The following IL21R variants were observed in gnomAD, a reference collection of about 807,000 sequenced individuals.
IL21R encodes the protein interleukin-21 receptor.
A neutral mutation model predicts 41.3 loss-of-function variants in IL21R; 14 were observed. The observed-to-expected ratio is 0.34, with a 90% CI of 0.22 to 0.53. IL21R has a LOEUF of 0.53. IL21R is among the 20% of genes least tolerant of loss of function. The probability of loss-of-function intolerance (pLI) is 0.94; values close to 1 mark genes in which losing one functional copy is unlikely to be tolerated. For synonymous variants in IL21R, 286 were observed against 287.6 expected, an observed-to-expected ratio of 0.99 and a Z score of 0.05; for missense variants, 588 against 681.6, an observed-to-expected ratio of 0.86 and a Z score of 1.53.
chr16:27,404,927 C>T (rs577966026), intron 1 of IL21R, among the ~76,000 whole-genome samples: 1 of 152,256 alleles, frequency 6.6e-6, no homozygotes, highest in African/African-American at 2.4e-5. Context: ...CTCCCTAGGT[C>T]CTGAAGCTCT....
Position 27,450,582 on chromosome 16 carries a change from C to CTTTTTTTT in IL21R, c.*1306_*1313dup, listed in dbSNP as rs553596346. 5 of 181,510 alleles carry CTTTTTTTT rather than the reference C, an allele frequency of 2.8e-5. No individual in the cohort carries two copies. The highest frequency in any genetic ancestry group is 6.4e-5 in the Admixed American group (1 of 15,546). 11.2% of individuals were successfully genotyped at this position (181,510 alleles called of 1,614,324 possible). A position where few individuals can be genotyped will look rare whatever the true frequency, so the allele number is the denominator to read the frequency against. On this transcript the variant is annotated 3_prime_UTR_variant, in exon 9 of 9. Transcript: ENST00000337929. Reference sequence around the variant, plus strand: ...TATTTCTTAGCAACATTTTCTTTTTCTTTTTTTTTTTTTTCTTTTGAGACA... The same window carrying CTTTTTTTT: ...TATTTCTTAGCAACATTTTCTTTTTCTTTTTTTTTTTTTTTTTTTTTTCTTTTGAGACA...
Position 27,449,254 on chromosome 16 carries a change from C to A in IL21R, c.1588C>A (p.Leu530Ile). Residue 530 changes from leucine (L) to isoleucine (I), a missense_variant, in exon 9 of 9, where the codon CTT (leucine) becomes ATT (isoleucine). By Grantham distance (5) the Leu-to-Ile change is conservative. Coordinates refer to ENST00000337929, the MANE Select transcript of IL21R (RefSeq NM_181078.3). ...CCAGTGGGTGGTCATTCCTCCGCCA[C>A]TTTCGAGCCCTGGACCCCAGGCCAG... ...LRQWVVIPPP[L>I]SSPGPQAS The A allele has an allele frequency of 6.2e-7, 1 of 1,607,848 alleles. No homozygotes were observed. Among genetic ancestry groups the A allele is most frequent in the Non-Finnish European group, 8.5e-7 (1 of 1,177,370 alleles).
chr16:27,440,248 T>TATATATATAGAGAGAGAGAGAGAG (rs1352160946), intron 4 of IL21R, among the ~76,000 whole-genome samples: 1 of 64,042 alleles, frequency 1.6e-5, no homozygotes, highest in African/African-American at 8.8e-5. Context: ...TATATATATA[T>TATATATATAGAGAGAGAGAGAGAG]AGAGAGAGAG....
At chr16:27,406,295 G>A (rs2086745900) in intron 1 of IL21R, among the ~76,000 whole-genome samples, 1 of 152,244 alleles carries the variant, frequency 6.6e-6, no homozygotes, top group Non-Finnish European at 1.5e-5. Context: ...AATGGAGCTG[G>A]AGTGAGATCT....
chr16:27,439,253 C>A (rs1204827982), intron 4 of IL21R, among the ~76,000 whole-genome samples: 1 of 151,962 alleles, frequency 6.6e-6, no homozygotes, highest in East Asian at 1.9e-4. Flanking sequence ...GATGCGCCCT[C>A]AAACTCACAG....
At position 27,430,119 on chromosome 16, in the gene IL21R, AG is replaced by A; in HGVS notation, c.49+1del. On this transcript the variant is annotated frameshift_variant and splice_region_variant, in exon 2 of 9. Transcript: ENST00000337929. LOFTEE classifies it high-confidence loss of function. ...APLLLLLLQG[G>X]WGCPDLVCYT... The stretch of plus-strand genomic sequence containing the variant: ...CCTTGCTCCTGCTGCTGCTCCAGGG[AG>A]GTAAGTGGCTGCCCCGTGGTCTGCG... 1 of 1,603,596 alleles carries A rather than the reference AG, an allele frequency of 6.2e-7. No homozygotes were observed. Among genetic ancestry groups the A allele is most frequent in the Non-Finnish European group, 8.5e-7 (1 of 1,179,696 alleles).
chr16:27,412,113 A>G (rs1283040479), intron 1 of IL21R, among the ~76,000 whole-genome samples: 1 of 152,218 alleles, frequency 6.6e-6, no homozygotes, highest in Non-Finnish European at 1.5e-5. Context: ...TAATGTTTGC[A>G]TATGGAGTAA....
intron 1 of IL21R, among the ~76,000 whole-genome samples, chr16:27,417,538 C>T (rs1478310878): frequency 6.6e-6 from 1 of 152,078 alleles, no homozygotes; most frequent in African/African-American, 2.4e-5. Context: ...TGCTTAATGA[C>T]GAGGATACAT....
At chr16:27,412,252 A>G (rs2086833443) in intron 1 of IL21R, among the ~76,000 whole-genome samples, 3 of 152,220 alleles carry the variant, frequency 2.0e-5, no homozygotes, top group Non-Finnish European at 2.9e-5. Flanking sequence ...TATATACACA[A>G]GGGTTTATTT....
At chr16:27,430,659 A>T (rs181343998) in intron 2 of IL21R, among the ~76,000 whole-genome samples, 36 of 152,110 alleles carry the variant, frequency 2.4e-4, no homozygotes, top group African/African-American at 8.4e-4. Context: ...CTACAAAAGA[A>T]AAAAAATTAG....
rs763835537 is a variant in IL21R at position 27,445,211 on chromosome 16, T to G, written c.720T>G (p.Leu240=). Residue 240 remains leucine, a synonymous_variant, in exon 7 of 9, where the codon CTT becomes CTG. Coordinates refer to ENST00000337929, the MANE Select transcript of IL21R (RefSeq NM_181078.3). The part of the protein sequence containing the change: ...LKEGWNPHLL[L]LLLLVIVFIP... ...AAGGCTGGAACCCTCACCTGCTGCT[T>G]CTCCTCCTGCTTGTCATAGTCTTCA... 1.9e-6 allele frequency: 3 copies of G among 1,613,946 alleles called. No individual in the cohort carries two copies. The highest frequency in any genetic ancestry group is 2.5e-6 in the Non-Finnish European group (3 of 1,179,976).
chr16:27,411,781 T>C (rs1315716943), intron 1 of IL21R, among the ~76,000 whole-genome samples: 1 of 152,084 alleles, frequency 6.6e-6, no homozygotes, highest in African/African-American at 2.4e-5. Flanking sequence ...AATTGAGTTA[T>C]TTGTTTTTGT....
In IL21R at chr16:27,444,294, T is replaced by C. The variant is rs534058507; in HGVS notation, c.508-248T>C. On this transcript the variant is annotated intron_variant, in intron 5 of 8. Coordinates refer to ENST00000337929, the MANE Select transcript of IL21R (RefSeq NM_181078.3). The stretch of plus-strand genomic sequence containing the variant: ...CAGGGAGAGTCCACTGCCAGGACTG[T>C]GAGTGGCTGAATTGGATCAAAGAGA... Among the ~76,000 whole-genome samples the C allele has an allele frequency of 1.2e-4, 18 of 152,106 alleles. 1 individual carries two copies. In the East Asian group the frequency reaches 2.5e-3, roughly 22 times the overall value.
chr16:27,449,194 C>T lies in IL21R; in HGVS notation c.1528C>T (p.Pro510Ser). The change falls in exon 9 of 9, where the codon CCC becomes TCC. Residue 510 changes from proline (P) to serine (S), a missense_variant. Physicochemically the swap from Pro to Ser is moderately conservative, Grantham distance 74. Coordinates refer to ENST00000337929, the MANE Select transcript of IL21R (RefSeq NM_181078.3). ...SSPVECDFTS[P>S]GDEGPPRSYL... ...CCCTGTGGAGTGTGACTTCACCAGC[C>T]CCGGGGACGAAGGACCCCCCCGGAG... 1 of 1,612,996 alleles carries T rather than the reference C, an allele frequency of 6.2e-7. No individual in the cohort carries two copies. The highest frequency in any genetic ancestry group is 8.5e-7 in the Non-Finnish European group (1 of 1,179,986).
chr16:27,442,130 ATG>A (rs1444139507), intron 4 of IL21R, among the ~76,000 whole-genome samples: 1 of 152,062 alleles, frequency 6.6e-6, no homozygotes, highest in Non-Finnish European at 1.5e-5. Context: ...TTCAGATTTC[ATG>A]TGTGTGCGTG....
chr16:27,436,500 G>C (rs1202369852), intron 3 of IL21R, among the ~76,000 whole-genome samples: 1 of 152,206 alleles, frequency 6.6e-6, no homozygotes, highest in Non-Finnish European at 1.5e-5. Flanking sequence ...GCAGGAACTT[G>C]TATTCCAGCA....
chr16:27,415,365 G>A lies in IL21R; in HGVS notation c.-17+12747G>A, dbSNP rs118156098. Among the ~76,000 whole-genome samples, 68 of 152,304 alleles carry A rather than the reference G, an allele frequency of 4.5e-4. No homozygotes were observed. In the East Asian group the frequency reaches 0.013, roughly 29 times the overall value. On this transcript the variant is annotated intron_variant, in intron 1 of 8. Transcript: ENST00000337929. ...ACATAATTGTAACAGGAGATTAAAC[G>A]TGGCTTTACCAGTTCATCCTGAAGA...
chr16:27,418,514 G>A (rs988776982), intron 1 of IL21R, among the ~76,000 whole-genome samples: 2 of 152,044 alleles, frequency 1.3e-5, no homozygotes, highest in Non-Finnish European at 2.9e-5. Flanking sequence ...GACTACAGGT[G>A]CGCGCCACCA....
chr16:27,431,344 G>T (rs959875581), intron 2 of IL21R, among the ~76,000 whole-genome samples: 1 of 152,178 alleles, frequency 6.6e-6, no homozygotes, highest in African/African-American at 2.4e-5. Flanking sequence ...TGCATGCAAA[G>T]CTCGGAGCGT....
Sources: allele counts gnomAD v4.1 joint callset (sites outside exome capture counted in the v4.1 genomes callset), GRCh38; gene constraint gnomAD v4.1.1; transcripts MANE v1.5; gene names NCBI Gene and HGNC (gene_info 2026-07-23, HGNC 2026-07-21).